DPH6: variants seen among roughly 807,000 people sequenced by gnomAD.
DPH6 encodes diphthine--ammonia ligase.
Under a neutral mutation model 38.2 loss-of-function variants are expected in DPH6, and 33 were observed. The observed-to-expected ratio is 0.86, with a 90% CI of 0.65 to 1.15. The LOEUF is 1.15. Among genes scored for constraint, DPH6 ranks in the 50% most tolerant of loss-of-function variants. The pLI, the probability that DPH6 is intolerant of heterozygous loss-of-function variation, is 0.00. For missense variants in DPH6, 325 were observed against 320.0 expected, an observed-to-expected ratio of 1.02 and a Z score of -0.12; for synonymous variants, 108 against 103.0, an observed-to-expected ratio of 1.05 and a Z score of -0.30.
intron 6 of DPH6, among the ~76,000 whole-genome samples, chr15:35,403,343 GTA>G (rs376211132): frequency 4.0e-5 from 6 of 150,138 alleles, no homozygotes; most frequent in African/African-American, 7.3e-5. Context: ...TACATAGTAG[GTA>G]TATATATATA....
At chr15:35,256,718 G>A (rs2051710619) in intron 3 of DPH6, among the ~76,000 whole-genome samples, 1 of 152,104 alleles carries the variant, frequency 6.6e-6, no homozygotes, top group Non-Finnish European at 1.5e-5. Flanking sequence ...GGTCCACGAG[G>A]GATCCATTTA....
At chr15:35,413,295 T>C (rs2053392711) in intron 5 of DPH6, among the ~76,000 whole-genome samples, 1 of 151,746 alleles carries the variant, frequency 6.6e-6, no homozygotes, top group South Asian at 2.1e-4. Context: ...ATCATGATCA[T>C]ACTTGTTAAT....
rs1181740973 is a variant in DPH6, at chr15:35,460,843, G to A, written c.313-6023C>T. ...TAGTCCAGGCAGCTGTCTGACCTAT[G>A]TCGACAATTTTAACAATAGAGACGG... On this transcript the variant is annotated intron_variant, in intron 3 of 8. Coordinates refer to ENST00000256538, the MANE Select transcript of DPH6 (RefSeq NM_080650.4). Among the ~76,000 whole-genome samples the A allele has an allele frequency of 1.0e-4, 15 of 145,676 alleles. No homozygotes were observed. The Admixed American group carries it at 1.1e-3, about 10-fold the overall frequency.
chr15:35,223,452 C>T (rs2051455978), intron 3 of DPH6, among the ~76,000 whole-genome samples: 1 of 152,114 alleles, frequency 6.6e-6, no homozygotes, highest in Admixed American at 6.5e-5. Flanking sequence ...TTTGGGAGGC[C>T]AAGGCTGGTG....
intron 3 of DPH6, among the ~76,000 whole-genome samples, chr15:35,244,738 G>A (rs1595444144): frequency 6.6e-6 from 1 of 152,172 alleles, no homozygotes; most frequent in Non-Finnish European, 1.5e-5. Flanking sequence ...CTTAGGATGG[G>A]TGAGTGAAGC....
At chr15:35,468,983 G>A (rs1357225757) in intron 3 of DPH6, among the ~76,000 whole-genome samples, 8 of 152,050 alleles carry the variant, frequency 5.3e-5, no homozygotes, top group Non-Finnish European at 8.8e-5. Flanking sequence ...CAGGAGAATC[G>A]CTTGAATCCG....
intron 3 of DPH6, among the ~76,000 whole-genome samples, chr15:35,341,766 G>A (rs2052423445): frequency 6.6e-6 from 1 of 152,154 alleles, no homozygotes. Context: ...GGGGGGTACT[G>A]ACCTGTCGCT....
rs149898117 is a variant in DPH6 at position 35,452,206 on chromosome 15, T to G, written c.387-1403A>C. ...CTCATTCTTGCCTATTACACTAGTT[T>G]CGTGCCTTTGCTTAAATGTCACTTT... On this transcript the variant is annotated intron_variant, in intron 4 of 8. Coordinates refer to ENST00000256538, the MANE Select transcript of DPH6 (RefSeq NM_080650.4). Among the ~76,000 whole-genome samples the G allele has an allele frequency of 1.6e-4, 25 of 152,320 alleles. No homozygotes were observed. The East Asian group carries it at 4.3e-3, about 26-fold the overall frequency.
At chr15:35,322,418 A>G (rs1230922827) in intron 3 of DPH6, among the ~76,000 whole-genome samples, 1 of 152,244 alleles carries the variant, frequency 6.6e-6, no homozygotes, top group African/African-American at 2.4e-5. Context: ...CCTAGGAATG[A>G]CCAAGGATGG....
chr15:35,154,365 C>T, the DPH6 span, among the ~76,000 whole-genome samples: 2 of 152,004 alleles, frequency 1.3e-5, no homozygotes, highest in Non-Finnish European at 2.9e-5. Context: ...TGAACTGGCA[C>T]AAGTTACTTA....
chr15:35,525,778 T>C (rs1424762541), intron 3 of DPH6, among the ~76,000 whole-genome samples: 2 of 151,990 alleles, frequency 1.3e-5, no homozygotes, highest in East Asian at 1.9e-4. Flanking sequence ...AGTTCAAGGG[T>C]GCAGTGAGCC....
chr15:35,349,539 C>T (rs2052492309), intron 3 of DPH6, among the ~76,000 whole-genome samples: 1 of 152,068 alleles, frequency 6.6e-6, no homozygotes, highest in African/African-American at 2.4e-5. Context: ...TGGGTTCAAG[C>T]AATTCTTGTG....
intron 3 of DPH6, among the ~76,000 whole-genome samples, chr15:35,279,060 A>ATATATATATATATATATATAT (rs1179889001): frequency 7.9e-6 from 1 of 125,916 alleles, no homozygotes; most frequent in African/African-American, 3.5e-5. Context: ...AAAAAAAAAA[A>ATATATATATATATATATATAT]AAAAAAAAAT....
intron 3 of DPH6, among the ~76,000 whole-genome samples, chr15:35,459,766 T>A (rs2054040526): frequency 6.6e-6 from 1 of 152,122 alleles, no homozygotes; most frequent in Non-Finnish European, 1.5e-5. Context: ...ACAGAAGATA[T>A]AATCAGGATA....
intron 3 of DPH6, among the ~76,000 whole-genome samples, chr15:35,296,809 T>TCCACATTCCCAATACCAAGTCCATAGCC (rs1595465677): frequency 1.5e-5 from 2 of 134,528 alleles, no homozygotes; most frequent in East Asian, 2.8e-4. Context: ...GGCTTCTTTT[T>TCCACATTCCCAATACCAAGTCCATAGCC]TTTTTTGAGA....
At position 35,289,016 on chromosome 15, in the gene DPH6, A is replaced by G. The variant is rs184557097; in HGVS notation, n.201-68434T>C. Among the ~76,000 whole-genome samples, 1,164 of 152,332 alleles carry G rather than the reference A, an allele frequency of 7.6e-3. 6 individuals are homozygous for G. Among genetic ancestry groups the G allele is most frequent in the Admixed American group, 0.018 (279 of 15,298 alleles). On this transcript the variant is annotated intron_variant and non_coding_transcript_variant, in intron 3 of 3. Transcript: ENST00000560386. ...AGGCTTTTGGGGGTAAAATGAAAAG[A>G]GGAACTTGTATTTTTACCGACTGTT...
At chr15:35,248,914 ATAAT>A (rs1184886546) in intron 3 of DPH6, among the ~76,000 whole-genome samples, 3 of 152,220 alleles carry the variant, frequency 2.0e-5, no homozygotes, top group Non-Finnish European at 4.4e-5. Context: ...AGGGCAAGTA[ATAAT>A]TAAAGTTTCA....
At chr15:35,544,731 CTTT>C (rs975511453) in intron 1 of DPH6, among the ~76,000 whole-genome samples, 1 of 152,062 alleles carries the variant, frequency 6.6e-6, no homozygotes, top group South Asian at 2.1e-4. Context: ...TTTTAGCAAA[CTTT>C]TTTTATTATA....
At chr15:35,400,649 C>T in intron 6 of DPH6, 1 of 569,346 alleles carries the variant, frequency 1.8e-6, no homozygotes, top group East Asian at 2.8e-5. Context: ...CAGTGGATGC[C>T]ACCGAGGAAG....
Sources: gnomAD v4.1 joint callset for allele counts (sites outside exome capture counted in the v4.1 genomes callset) on GRCh38, gnomAD v4.1.1 for gene constraint, MANE v1.5 for transcripts, NCBI Gene and HGNC (gene_info 2026-07-23, HGNC 2026-07-21) for gene names.